The following POTEC variants were observed in gnomAD, a reference collection of about 807,000 sequenced individuals.
POTEC encodes the protein ANKRD26-like family B member 2.
Under a neutral mutation model 62.0 loss-of-function variants are expected in POTEC, and 35 were observed. The ratio of observed to expected loss-of-function variants is 0.56; its 90% CI spans 0.43 to 0.75. POTEC has a LOEUF of 0.75. Ranked by LOEUF, POTEC falls within the 30% of genes least tolerant of loss-of-function variation. The pLI is 0.00. For missense variants in POTEC, 472 were observed against 655.9 expected (o/e 0.72, Z 3.06); for synonymous variants, 156 against 221.5 (o/e 0.70, Z 2.62).
At chr18:14,538,366 T>A (rs1275688258) in intron 1 of POTEC, 117 bp from the exon 2 acceptor site, 2 of 630,140 alleles carry the variant, frequency 3.2e-6, no homozygotes, top group African/African-American at 3.7e-5. Context: ...CAAACTCAAT[T>A]TTCCTTTGAA....
At chr18:14,530,899 T>G (rs1042315421) in intron 5 of POTEC, among the ~76,000 whole-genome samples, 12 of 152,176 alleles carry the variant, frequency 7.9e-5, no homozygotes, top group Admixed American at 3.9e-4. Context: ...GCTCAATGTC[T>G]TCTTCTACAA....
intron 6 of POTEC, chr18:14,529,160 A>C (rs1910514681): frequency 3.5e-5 from 12 of 339,812 alleles, no homozygotes; most frequent in Non-Finnish European, 6.3e-5. Context: ...ATAAATCATT[A>C]TTATAAGCTT....
rs1357755518 is a variant in POTEC at position 14,511,684 on chromosome 18, T to C, written c.*214A>G. 4 of 602,428 alleles carry C rather than the reference T, an allele frequency of 6.6e-6. No individual in the cohort carries two copies. Among genetic ancestry groups the C allele is most frequent in the Middle Eastern group, 4.4e-4 (1 of 2,294 alleles). 37.3% of individuals were successfully genotyped at this position (602,428 alleles called of 1,614,324 possible). ...GACATGATTGAATTTCCATTTCCAG[T>C]GTTTCCTAGCTGTGTCTTACATTCT... is the stretch of plus-strand genomic sequence containing the variant. On this transcript the variant is annotated 3_prime_UTR_variant, in exon 11 of 11. Transcript: ENST00000358970.
intron 9 of POTEC, among the ~76,000 whole-genome samples, chr18:14,514,786 T>A (rs1360651052): frequency 6.6e-6 from 1 of 152,124 alleles, no homozygotes; most frequent in Non-Finnish European, 1.5e-5. Context: ...AATGATATGA[T>A]CTTATGCCTA....
intron 9 of POTEC, among the ~76,000 whole-genome samples, chr18:14,516,926 A>G (rs1303561738): frequency 2.0e-5 from 3 of 151,390 alleles, no homozygotes; most frequent in African/African-American, 7.3e-5. Flanking sequence ...GGAATTTAAA[A>G]AGAGAGTAGA....
At chr18:14,524,268 A>G (rs1353316894) in intron 7 of POTEC, among the ~76,000 whole-genome samples, 1 of 152,166 alleles carries the variant, frequency 6.6e-6, no homozygotes. Context: ...TGATTCTTGT[A>G]ATAGGCAGTT....
rs772474784 is a variant in POTEC at position 14,530,483 on chromosome 18, C to A, written c.1126G>T (p.Glu376Ter). Residue 376 changes from glutamate to a stop codon, truncating the protein, a stop_gained and splice_region_variant, in exon 6 of 11, where the codon GAA becomes TAA. Transcript: ENST00000358970. LOFTEE classifies it high-confidence loss of function. ...AGTAATTCATTATCACAAGTCTTAC[C>A]TGGATTGCTGTTTTCAGAAGAGATT... Reference protein sequence around the residue: ...LKISSENSNPEQDLKLTSEEE... With the variant: ...LKISSENSNP The A allele has an allele frequency of 6.3e-7, 1 of 1,598,994 alleles. No homozygotes were observed. The highest frequency in any genetic ancestry group is 2.2e-5 in the East Asian group (1 of 44,496).
chr18:14,517,476 C>G (rs1483497240), intron 9 of POTEC, among the ~76,000 whole-genome samples: 2 of 152,114 alleles, frequency 1.3e-5, no homozygotes, highest in Non-Finnish European at 2.9e-5. Context: ...CCAACTCTGT[C>G]TCTTTATTTC....
intron 7 of POTEC, among the ~76,000 whole-genome samples, chr18:14,524,593 T>TTA (rs1448354284): frequency 2.0e-5 from 3 of 152,108 alleles, no homozygotes; most frequent in African/African-American, 7.2e-5. Context: ...AAAGGAAAGA[T>TTA]TAGCTATAAG....
chr18:14,507,438 T>C lies in POTEC; in HGVS notation c.*4460A>G, dbSNP rs1909874104. On this transcript the variant is annotated 3_prime_UTR_variant, in exon 11 of 11. Transcript: ENST00000358970. ...GTTTTCCATTTCCTTGAAATATTTT[T>C]CTCCATTCCTTTATTTTGAGCCTAT... The C allele has an allele frequency of 6.6e-6, 1 of 151,958 alleles. No individual in the cohort carries two copies. 9.4% of individuals were successfully genotyped at this position (151,958 alleles called of 1,614,324 possible). A position where few individuals can be genotyped will look rare whatever the true frequency, so the allele number is the denominator to read the frequency against.
chr18:14,513,433 G>A (rs569690278), intron 10 of POTEC, among the ~76,000 whole-genome samples: 3 of 152,080 alleles, frequency 2.0e-5, no homozygotes, highest in South Asian at 2.1e-4. Context: ...GTCACTACTC[G>A]ACTGTTGCAG....
At chr18:14,537,191 ACACACACAC>A (rs1905749566) in intron 3 of POTEC, among the ~76,000 whole-genome samples, 1 of 78,790 alleles carries the variant, frequency 1.3e-5, no homozygotes, top group Non-Finnish European at 2.2e-5. Flanking sequence ...ACACACACAC[ACACACACAC>A]ACACACACAC....
In POTEC at chr18:14,543,093, G is replaced by A. The variant is rs45502401; in HGVS notation, c.54C>T (p.Phe18=). Residue 18 remains phenylalanine (F), a synonymous_variant, in exon 1 of 11, where the codon TTC becomes TTT. Coordinates refer to ENST00000358970, the MANE Select transcript of POTEC (RefSeq NM_001137671.2). The part of the protein sequence containing the change: ...MPAASAVKKP[F]DLRSKMGKWF... The stretch of plus-strand genomic sequence containing the variant: ...ACTTGCCCATCTTGCTCCTGAGATC[G>A]AATGGCTTCTTCACAGCAGAGGCAG... 1.7e-5 allele frequency: 28 copies of A among 1,613,842 alleles called. No homozygotes were observed. Among genetic ancestry groups the A allele is most frequent in the Admixed American group, 5.0e-5 (3 of 60,006 alleles).
intron 5 of POTEC, among the ~76,000 whole-genome samples, chr18:14,531,372 G>A (rs1242526079): frequency 2.0e-5 from 3 of 151,724 alleles, no homozygotes; most frequent in African/African-American, 7.3e-5. Flanking sequence ...TGTTTGTTAG[G>A]ATAATGCTTT....
chr18:14,540,524 T>C (rs1343158467), intron 1 of POTEC, among the ~76,000 whole-genome samples: 1 of 152,174 alleles, frequency 6.6e-6, no homozygotes, highest in African/African-American at 2.4e-5. Flanking sequence ...TATAGCAAAG[T>C]ACATCTTTGC....
intron 5 of POTEC, chr18:14,531,589 T>A (rs2143149123): frequency 6.6e-6 from 1 of 152,130 alleles, no homozygotes; most frequent in South Asian, 2.1e-4. Context: ...CACATTTCGA[T>A]ATTTTGGTGG....
chr18:14,537,292 G>A (rs1905775396), intron 3 of POTEC, among the ~76,000 whole-genome samples: 1 of 144,060 alleles, frequency 6.9e-6, no homozygotes. Flanking sequence ...TGATATTTCT[G>A]ATTGCTGCAT....
In POTEC at chr18:14,522,371, T is replaced by C; in HGVS notation, c.1292A>G (p.Glu431Gly). ...KHGSNPVGLP[E>G]NLTNGASAGN... ...AGCACTGGCACCATTAGTCAGGTTT[T>C]CTGGTAATCCCACAGGATTACTTCC... is the stretch of plus-strand genomic sequence containing the variant. Residue 431 changes from glutamate (E) to glycine (G), a missense_variant, in exon 9 of 11, where the codon GAA becomes GGA. By Grantham distance (98) the Glu-to-Gly change is moderately conservative. Coordinates refer to ENST00000358970, the MANE Select transcript of POTEC (RefSeq NM_001137671.2). 6.3e-7 allele frequency: 1 copy of C among 1,586,852 alleles called. No homozygotes were observed. The highest frequency in any genetic ancestry group is 1.1e-5 in the South Asian group (1 of 87,282).
In POTEC at chr18:14,541,788, T is replaced by C. The variant is rs537364114; in HGVS notation, c.521+838A>G. On this transcript the variant is annotated intron_variant, in intron 1 of 10. Coordinates refer to ENST00000358970, the MANE Select transcript of POTEC (RefSeq NM_001137671.2). ...TCTAGGTAGTTTTCTCCAAACAGCATGCATTTAATTTATGAATAATTCACC... is the reference window on the plus strand; with the variant it reads ...TCTAGGTAGTTTTCTCCAAACAGCACGCATTTAATTTATGAATAATTCACC... 2.2e-3 allele frequency among the ~76,000 whole-genome samples: 342 copies of C among 152,062 alleles called. 2 individuals carry two copies. The highest frequency in any genetic ancestry group is 8.0e-3 in the African/African-American group (332 of 41,504).
Sources: allele counts gnomAD v4.1 joint callset (sites outside exome capture counted in the v4.1 genomes callset), GRCh38; gene constraint gnomAD v4.1.1; transcripts MANE v1.5; gene names NCBI Gene and HGNC (gene_info 2026-07-23, HGNC 2026-07-21).